SEC31A: variants seen among roughly 807,000 people sequenced by gnomAD.
SEC31A encodes protein transport protein Sec31A.
In SEC31A, 70 loss-of-function variants were observed where a neutral mutation model predicts 151.0. The observed-to-expected ratio is 0.46, with a 90% CI of 0.38 to 0.57. The LOEUF (loss-of-function observed/expected upper bound fraction) is 0.57. SEC31A is among the 20% of genes least tolerant of loss of function. SEC31A has a pLI of 0.00. For synonymous variants in SEC31A, 475 were observed against 505.9 expected (o/e 0.94, Z 0.82); for missense variants, 1,330 against 1,471.2 (o/e 0.90, Z 1.57).
chr4:82,854,833 C>A, intron 17 of SEC31A, 70 bp downstream of exon 17: 1 of 1,359,230 alleles, frequency 7.4e-7, no homozygotes, highest in South Asian at 2.0e-5. Context: ...TAAAATTTGT[C>A]ATTTAAGTTT....
At chr4:82,886,786 T>C (rs901344047) in intron 1 of SEC31A, among the ~76,000 whole-genome samples, 1 of 152,248 alleles carries the variant, frequency 6.6e-6, no homozygotes, top group Non-Finnish European at 1.5e-5. Context: ...AACGTCATTA[T>C]ATTTTAATAA....
At chr4:82,866,033 A>C (rs1354335303) in intron 10 of SEC31A, among the ~76,000 whole-genome samples, 1 of 151,950 alleles carries the variant, frequency 6.6e-6, no homozygotes, top group Admixed American at 6.6e-5. Context: ...AAGAAAGCTA[A>C]AAGGATGAAG....
chr4:82,838,454 C>T (rs910808883), intron 22 of SEC31A, among the ~76,000 whole-genome samples: 12 of 152,200 alleles, frequency 7.9e-5, no homozygotes, highest in African/African-American at 2.9e-4. Context: ...TTACCATCTC[C>T]TACCTAGAAC....
intron 1 of SEC31A, among the ~76,000 whole-genome samples, chr4:82,887,779 C>T (rs544255505): frequency 6.6e-6 from 1 of 152,324 alleles, no homozygotes; most frequent in South Asian, 2.1e-4. Context: ...ATCTATTAGG[C>T]CGGGCGCGGT....
intron 9 of SEC31A, 80 bp downstream of exon 9, chr4:82,867,075 C>T (rs1735576539): frequency 6.5e-7 from 1 of 1,536,786 alleles, no homozygotes; most frequent in Middle Eastern, 1.7e-4. Context: ...CATTGTTAAT[C>T]AGTGAAGTCA....
Position 82,848,921 on chromosome 4 carries a change from T to C in SEC31A, c.2385A>G (p.Ala795=). The C allele has an allele frequency of 6.2e-7, 1 of 1,614,162 alleles. No homozygotes were observed. The highest frequency in any genetic ancestry group is 8.5e-7 in the Non-Finnish European group (1 of 1,180,006). ...ACGGAATTTTAGGTGATTCATGTCCTGCTACAGGCTCTCCTTGTGCTCTAC... is the reference window on the plus strand; with the variant it reads ...ACGGAATTTTAGGTGATTCATGTCCCGCTACAGGCTCTCCTTGTGCTCTAC... The part of the protein sequence containing the change: ...RLCRAQGEPV[A]GHESPKIPYE... Residue 795 remains alanine, a synonymous_variant, in exon 20 of 27, where the codon GCA becomes GCG. Coordinates refer to ENST00000395310, the MANE Select transcript of SEC31A (RefSeq NM_001077207.4).
intron 1 of SEC31A, among the ~76,000 whole-genome samples, chr4:82,890,201 C>CAAAAAAAA (rs60372442): frequency 1.3e-5 from 1 of 74,940 alleles, no homozygotes; most frequent in Non-Finnish European, 2.5e-5. Flanking sequence ...GACTCCGTCT[C>CAAAAAAAA]AAAAAAAAAA....
Position 82,857,744 on chromosome 4 carries a change from T to C in SEC31A, c.1647A>G (p.Glu549=), listed in dbSNP as rs775490670. 3 of 1,599,898 alleles carry C rather than the reference T, an allele frequency of 1.9e-6. No homozygotes were observed. In the South Asian group the frequency reaches 3.3e-5, roughly 18 times the overall value. ...CAGATGAGGGTAGAAATTCAGATTC[T>C]TCTTTTTCCTCTTTAATGTGCTAAA... ...LLGEHIKEEK[E]ESEFLPSSGG... The change falls in exon 15 of 27, where the codon GAA becomes GAG. Residue 549 remains glutamate (E), a synonymous_variant. Transcript: ENST00000395310.
Position 82,871,950 on chromosome 4 carries a change from T to C in SEC31A, c.776A>G (p.His259Arg), listed in dbSNP as rs749984596. ...TGTAACAGCAGCACGATACCTGGCA[T>C]GGTTTTCCAGGACACGAAGTGGAGA... ...ASSPLRVLENHARGILAIAWS... is the reference protein window; with the variant it reads ...ASSPLRVLENRARGILAIAWS... Residue 259 changes from histidine to arginine, a missense_variant, in exon 7 of 27, where the codon CAT (histidine) becomes CGT (arginine). Physicochemically the swap from His to Arg is conservative, Grantham distance 29 (BLOSUM62 0). Transcript: ENST00000395310. 1.2e-6 allele frequency: 2 copies of C among 1,614,190 alleles called. No individual in the cohort carries two copies. The highest frequency in any genetic ancestry group is 1.7e-6 in the Non-Finnish European group (2 of 1,180,026).
chr4:82,828,470 C>T (rs954115397), intron 23 of SEC31A, among the ~76,000 whole-genome samples: 2 of 151,754 alleles, frequency 1.3e-5, no homozygotes, highest in African/African-American at 4.8e-5. Flanking sequence ...GGAAAGAGGT[C>T]ATTAGGAATT....
chr4:82,867,170 C>T lies in SEC31A; in HGVS notation c.1029G>A (p.Gln343=), dbSNP rs754088769. The stretch of plus-strand genomic sequence containing the variant: ...TTCCTATTACCTTGTCAACTTGTTT[C>T]TGTCTTAAACCATCTGTGCTACCTC... The part of the protein sequence containing the change: ...IMGGSTDGLR[Q]KQVDKLSSSF... The change falls in exon 9 of 27, where the codon CAG becomes CAA. Residue 343 remains glutamine (Q), a synonymous_variant. Coordinates refer to ENST00000395310, the MANE Select transcript of SEC31A (RefSeq NM_001077207.4). 6.2e-7 allele frequency: 1 copy of T among 1,613,184 alleles called. No individual in the cohort carries two copies. Among genetic ancestry groups the T allele is most frequent in the Non-Finnish European group, 8.5e-7 (1 of 1,179,476 alleles).
chr4:82,857,161 A>T, intron 15 of SEC31A, 31 bp from the exon 16 acceptor site: 1 of 1,594,312 alleles, frequency 6.3e-7, no homozygotes, highest in Middle Eastern at 1.7e-4. Context: ...ATCCAAGTTA[A>T]ATAGAGTTTT....
chr4:82,865,536 G>GTGTATA (rs1735120402), intron 10 of SEC31A, among the ~76,000 whole-genome samples: 1 of 137,156 alleles, frequency 7.3e-6, no homozygotes, highest in Non-Finnish European at 1.6e-5. Context: ...AAAAAATGTG[G>GTGTATA]TATATATATA....
rs1734843218 is a variant in SEC31A, at chr4:82,864,367, A to T, written c.1429T>A (p.Leu477Met). ...GCTTTAAACAGCAACTTTACCTTCA[A>T]AAAGGACCACACATTTTTCTCAAAT... is the stretch of plus-strand genomic sequence containing the variant. ...TEFEKNVWSF[L>M]KVNFEDDSRG... is the part of the protein sequence containing the mutation. Residue 477 changes from leucine to methionine, a missense_variant, in exon 11 of 27, where the codon TTG becomes ATG. Transcript: ENST00000395310. 6.2e-7 allele frequency: 1 copy of T among 1,610,680 alleles called. No homozygotes were observed. Among genetic ancestry groups the T allele is most frequent in the African/African-American group, 1.3e-5 (1 of 74,994 alleles).
intron 22 of SEC31A, among the ~76,000 whole-genome samples, chr4:82,840,594 T>C: frequency 6.6e-6 from 1 of 152,176 alleles, no homozygotes; most frequent in Non-Finnish European, 1.5e-5. Flanking sequence ...TTCTGAGAAA[T>C]ACATCATTAA....
Position 82,855,018 on chromosome 4 carries a change from T to C in SEC31A, c.1893A>G (p.Ala631=). The change falls in exon 17 of 27, where the codon GCA becomes GCG. Residue 631 remains alanine (A), a synonymous_variant. Transcript: ENST00000395310. Reference sequence around the variant, plus strand: ...TCTCTTTCCAGTTCTTCATCACCACTGCAGTGATGAGCTTGAGAAACGAAA... The same window carrying C: ...TCTCTTTCCAGTTCTTCATCACCACCGCAGTGATGAGCTTGAGAAACGAAA... ...SQSKITRLIT[A]VVMKNWKEIV... is the part of the protein sequence containing the mutation. 6.2e-7 allele frequency: 1 copy of C among 1,601,094 alleles called. No homozygotes were observed. The highest frequency in any genetic ancestry group is 8.5e-7 in the Non-Finnish European group (1 of 1,176,540).
At position 82,857,016 on chromosome 4, in the gene SEC31A, C is replaced by T. The variant is rs1732832164; in HGVS notation, c.1817G>A (p.Gly606Glu). ...ADAIILAIAG[G>E]QELLARTQKK... is the part of the protein sequence containing the mutation. ...CTGGGTTCGAGCCAAGAGTTCTTGT[C>T]CACCTGCTATGGCCAATATAATGGC... The change falls in exon 16 of 27, where the codon GGA (glycine) becomes GAA (glutamate). Residue 606 changes from glycine to glutamate, a missense_variant. Physicochemically the swap from Gly to Glu is moderately conservative, Grantham distance 98. Coordinates refer to ENST00000395310, the MANE Select transcript of SEC31A (RefSeq NM_001077207.4). The T allele has an allele frequency of 6.2e-7, 1 of 1,613,914 alleles. No individual in the cohort carries two copies. Among genetic ancestry groups the T allele is most frequent in the South Asian group, 1.1e-5 (1 of 91,022 alleles).
chr4:82,857,849 CATCT>C (rs1218400397), intron 14 of SEC31A, 85 bp from the exon 15 acceptor site: 8 of 823,448 alleles, frequency 9.7e-6, no homozygotes, highest in Middle Eastern at 3.3e-4. Context: ...CATGATTCTT[CATCT>C]ACAGAGTAGA....
chr4:82,889,838 T>C (rs1043205172), intron 1 of SEC31A, among the ~76,000 whole-genome samples: 1 of 152,134 alleles, frequency 6.6e-6, no homozygotes, highest in Admixed American at 6.5e-5. Flanking sequence ...ACAAAAACAC[T>C]ACGAGTTATC....
Sources: gnomAD v4.1 joint callset for allele counts (sites outside exome capture counted in the v4.1 genomes callset) on GRCh38, gnomAD v4.1.1 for gene constraint, MANE v1.5 for transcripts, NCBI Gene and HGNC (gene_info 2026-07-23, HGNC 2026-07-21) for gene names.